The following MAML2 variants were observed in gnomAD, a reference collection of about 807,000 sequenced individuals.
MAML2 encodes the protein mastermind like transcriptional coactivator 2, also known as mastermind-like protein 2.
A neutral mutation model predicts 96.1 loss-of-function variants in MAML2; 22 were observed. The observed-to-expected ratio is 0.23, with a 90% CI of 0.16 to 0.33. The LOEUF is 0.33. Among genes scored for constraint, MAML2 ranks in the 10% least tolerant of loss-of-function variants. The probability of loss-of-function intolerance (pLI) is 1.00; values close to 1 mark genes in which losing one functional copy is unlikely to be tolerated. For missense variants in MAML2, 1,367 were observed against 1,392.4 expected, an observed-to-expected ratio of 0.98 and a Z score of 0.29; for synonymous variants, 561 against 521.3, an observed-to-expected ratio of 1.08 and a Z score of -1.04.
chr11:96,146,332 C>A (rs983883775), intron 1 of MAML2, among the ~76,000 whole-genome samples: 6 of 152,140 alleles, frequency 3.9e-5, no homozygotes, highest in Admixed American at 3.9e-4. Flanking sequence ...AATGAGAAAC[C>A]ATGCTCAGGG....
chr11:96,089,402 C>T (rs1859669523), intron 2 of MAML2, among the ~76,000 whole-genome samples: 1 of 152,188 alleles, frequency 6.6e-6, no homozygotes, highest in Non-Finnish European at 1.5e-5. Context: ...ACCACACTTG[C>T]AATGCAGCCT....
At chr11:96,012,432 C>A (rs532005407) in intron 2 of MAML2, among the ~76,000 whole-genome samples, 1 of 152,312 alleles carries the variant, frequency 6.6e-6, no homozygotes, top group South Asian at 2.1e-4. Flanking sequence ...GGCAGTCTGG[C>A]ATATTTCCTG....
At chr11:96,311,749 GAGTT>G (rs1863545349) in intron 1 of MAML2, among the ~76,000 whole-genome samples, 1 of 152,180 alleles carries the variant, frequency 6.6e-6, no homozygotes, top group African/African-American at 2.4e-5. Flanking sequence ...GTTTCACTGA[GAGTT>G]AGGCAATCAA....
chr11:96,201,508 T>C (rs1272034608), intron 1 of MAML2, among the ~76,000 whole-genome samples: 1 of 152,224 alleles, frequency 6.6e-6, no homozygotes, highest in African/African-American at 2.4e-5. Context: ...ATGGCTTATA[T>C]CAAGGACCTA....
At position 96,343,062 on chromosome 11, in the gene MAML2, A is replaced by G; in HGVS notation, c.-1167T>C. The G allele has an allele frequency of 2.5e-6, 1 of 398,278 alleles. No individual in the cohort carries two copies. Among genetic ancestry groups the G allele is most frequent in the South Asian group, 1.3e-4 (1 of 7,812 alleles). 24.7% of individuals were successfully genotyped at this position (398,278 alleles called of 1,614,324 possible). A position where few individuals can be genotyped will look rare whatever the true frequency, so the allele number is the denominator to read the frequency against. ...GCTCCGCTTTATAGATGGAAAAAAAAAGTAGCTTGTATTTTCCTTTCTCTT... is the reference window on the plus strand; with the variant it reads ...GCTCCGCTTTATAGATGGAAAAAAAGAGTAGCTTGTATTTTCCTTTCTCTT... On this transcript the variant is annotated 5_prime_UTR_variant, in exon 1 of 5. Transcript: ENST00000524717.
At chr11:96,102,232 C>T (rs553974652) in intron 1 of MAML2, among the ~76,000 whole-genome samples, 1 of 152,160 alleles carries the variant, frequency 6.6e-6, no homozygotes, top group African/African-American at 2.4e-5. Context: ...GCCGAGATCG[C>T]GTCACTGCAC....
chr11:96,253,306 G>A (rs1192026504), intron 1 of MAML2, among the ~76,000 whole-genome samples: 1 of 152,170 alleles, frequency 6.6e-6, no homozygotes, highest in Non-Finnish European at 1.5e-5. Flanking sequence ...ACTATTGAAA[G>A]CCATCTGAGA....
In MAML2 at chr11:96,256,686, T is replaced by A. The variant is rs575047828; in HGVS notation, c.513+84697A>T. Among the ~76,000 whole-genome samples, 4 of 152,306 alleles carry A rather than the reference T, an allele frequency of 2.6e-5. No individual in the cohort carries two copies. The South Asian group carries it at 8.3e-4, about 32-fold the overall frequency. ...GTTTCTGGTTGTACATGGTAGGCAGTCAGTAAATAGTTATTACATTAATGA... is the reference window on the plus strand; with the variant it reads ...GTTTCTGGTTGTACATGGTAGGCAGACAGTAAATAGTTATTACATTAATGA... On this transcript the variant is annotated intron_variant, in intron 1 of 4. Transcript: ENST00000524717.
intron 1 of MAML2, among the ~76,000 whole-genome samples, chr11:96,129,367 C>G (rs570705397): frequency 1.1e-3 from 163 of 152,272 alleles, no homozygotes; most frequent in African/African-American, 3.8e-3. Flanking sequence ...AGTTTCAGGT[C>G]TGAGGTGGGC....
chr11:96,329,962 A>G (rs929648743), intron 1 of MAML2, among the ~76,000 whole-genome samples: 5 of 152,202 alleles, frequency 3.3e-5, no homozygotes, highest in South Asian at 2.1e-4. Context: ...CATTGCCCAT[A>G]TATATTTGCT....
At chr11:96,254,727 T>C (rs2135969087) in intron 1 of MAML2, among the ~76,000 whole-genome samples, 1 of 152,196 alleles carries the variant, frequency 6.6e-6, no homozygotes, top group South Asian at 2.1e-4. Context: ...AGAGCAAAGA[T>C]GGGTAAGCAA....
intron 1 of MAML2, among the ~76,000 whole-genome samples, chr11:96,173,334 A>G (rs1034018915): frequency 1.3e-5 from 2 of 152,224 alleles, no homozygotes; most frequent in African/African-American, 4.8e-5. Flanking sequence ...TAAATAAGAA[A>G]CCAGAGGGAG....
At chr11:95,987,922 A>C (rs1857852953) in intron 3 of MAML2, among the ~76,000 whole-genome samples, 3 of 152,228 alleles carry the variant, frequency 2.0e-5, no homozygotes, top group South Asian at 4.1e-4. Context: ...CTAAATGTTT[A>C]AGAAACAGCT....
At chr11:96,190,646 ATGAT>A (rs1861640099) in intron 1 of MAML2, among the ~76,000 whole-genome samples, 1 of 152,242 alleles carries the variant, frequency 6.6e-6, no homozygotes, top group African/African-American at 2.4e-5. Flanking sequence ...CAGGATAGAA[ATGAT>A]CTCAACAAAC....
intron 1 of MAML2, among the ~76,000 whole-genome samples, chr11:96,239,608 GA>G (rs983606110): frequency 5.5e-4 from 82 of 148,076 alleles, no homozygotes; most frequent in South Asian, 3.0e-3. Flanking sequence ...GGCGAATCAA[GA>G]AAAAAAAAAG....
At chr11:95,999,183 A>G (rs186647324) in intron 2 of MAML2, among the ~76,000 whole-genome samples, 1 of 152,352 alleles carries the variant, frequency 6.6e-6, no homozygotes, top group East Asian at 1.9e-4. Context: ...AAGAAATAGT[A>G]TGTGTGAAGA....
At chr11:96,135,633 T>A (rs914438427) in intron 1 of MAML2, among the ~76,000 whole-genome samples, 3 of 151,020 alleles carry the variant, frequency 2.0e-5, no homozygotes, top group Non-Finnish European at 2.9e-5. Context: ...AACTGAATAA[T>A]TACTTACAGT....
chr11:96,112,956 C>T (rs1316861758), intron 1 of MAML2, among the ~76,000 whole-genome samples: 1 of 152,158 alleles, frequency 6.6e-6, no homozygotes, highest in Non-Finnish European at 1.5e-5. Flanking sequence ...AAAAGTTCGC[C>T]CTCTGCACTA....
At chr11:96,197,803 C>G (rs1861753402) in intron 1 of MAML2, among the ~76,000 whole-genome samples, 1 of 152,144 alleles carries the variant, frequency 6.6e-6, no homozygotes, top group East Asian at 1.9e-4. Flanking sequence ...TCATAAGAAT[C>G]CCTCCTCTGA....
Sources: gnomAD v4.1 joint callset for allele counts (sites outside exome capture counted in the v4.1 genomes callset) on GRCh38, gnomAD v4.1.1 for gene constraint, MANE v1.5 for transcripts, NCBI Gene and HGNC (gene_info 2026-07-23, HGNC 2026-07-21) for gene names.